The following INTS6 variants were observed in gnomAD, a reference collection of about 807,000 sequenced individuals.
The protein encoded by INTS6 is integrator complex subunit 6.
A neutral mutation model predicts 104.9 loss-of-function variants in INTS6; 16 were observed. That is an observed-to-expected ratio of 0.15 (90% confidence interval 0.10 to 0.23). INTS6 has a LOEUF of 0.23. Ranked by LOEUF, INTS6 falls within the 10% of genes least tolerant of loss-of-function variation. The pLI, the probability that INTS6 is intolerant of heterozygous loss-of-function variation, is 1.00. For synonymous variants in INTS6, 324 were observed against 358.7 expected (o/e 0.90, Z 1.09); for missense variants, 584 against 1,062.8 (o/e 0.55, Z 6.26).
In INTS6 at chr13:51,383,766, C is replaced by T. The variant is rs1285473478; in HGVS notation, c.895-25G>A. The T allele has an allele frequency of 5.8e-6, 9 of 1,549,112 alleles. No homozygotes were observed. In the East Asian group the frequency reaches 1.8e-4, roughly 31 times the overall value. On this transcript the variant is annotated intron_variant, in intron 7 of 17. Transcript: ENST00000311234. ...GCTAAAGGGGAAAGTCTTGTAATTACTACTTACATGAAATTTCAGAAACAA... is the reference window on the plus strand; with the variant it reads ...GCTAAAGGGGAAAGTCTTGTAATTATTACTTACATGAAATTTCAGAAACAA...
chr13:51,413,101 T>C (rs1956718914), intron 4 of INTS6, among the ~76,000 whole-genome samples: 1 of 152,232 alleles, frequency 6.6e-6, no homozygotes, highest in African/African-American at 2.4e-5. Context: ...AGGATAGTCC[T>C]TCCTTGTCAC....
rs141261992 is a variant in INTS6, at chr13:51,354,565, G to A, written n.431-229C>T. On this transcript the variant is annotated intron_variant and non_coding_transcript_variant, in intron 3 of 3. Transcript: ENST00000476666. ...GAGGCCAGAAGTTTGAGTCCAGCCCGGGCAACATAGGGAGACCCCATCTCA... is the reference window on the plus strand; with the variant it reads ...GAGGCCAGAAGTTTGAGTCCAGCCCAGGCAACATAGGGAGACCCCATCTCA... Among the ~76,000 whole-genome samples the A allele has an allele frequency of 2.3e-4, 35 of 151,164 alleles. No homozygotes were observed. The East Asian group carries it at 3.9e-3, about 17-fold the overall frequency.
intron 4 of INTS6, among the ~76,000 whole-genome samples, chr13:51,410,844 A>C (rs186188198): frequency 1.6e-4 from 25 of 152,300 alleles, no homozygotes; most frequent in Admixed American, 1.6e-3. Context: ...CTCATTAGCA[A>C]GAAGACAGAC....
At chr13:51,405,818 C>G (rs189337759) in intron 4 of INTS6, among the ~76,000 whole-genome samples, 2 of 152,246 alleles carry the variant, frequency 1.3e-5, no homozygotes. Flanking sequence ...ACGTTCCAGT[C>G]CTGGATAAGC....
downstream of INTS6, chr13:51,361,433 T>A: frequency 1.1e-6 from 1 of 927,838 alleles, no homozygotes; most frequent in Non-Finnish European, 1.7e-6. Flanking sequence ...CCTAGTTGAA[T>A]CTTCACACTT....
At chr13:51,406,610 G>A (rs993352039) in intron 4 of INTS6, among the ~76,000 whole-genome samples, 5 of 152,008 alleles carry the variant, frequency 3.3e-5, no homozygotes, top group Admixed American at 6.6e-5. Context: ...ATGCTCCAAC[G>A]GAGACCACTT....
chr13:51,353,270 C>T (rs1318978904), downstream of INTS6, among the ~76,000 whole-genome samples: 1 of 152,096 alleles, frequency 6.6e-6, no homozygotes, highest in East Asian at 1.9e-4. Context: ...TTTCAAATAG[C>T]CCTTAATTAA....
In INTS6 at chr13:51,369,305, C is replaced by T; in HGVS notation, c.2110G>A (p.Glu704Lys). Reference protein sequence around the residue: ...IKPLPLHKISETTNDSIIHDV... With the variant: ...IKPLPLHKISKTTNDSIIHDV... ...TGTATTATCGAATCATTAGTGGTTT[C>T]TGAAACTAAAAACAAAGATACGGGG... is the stretch of plus-strand genomic sequence containing the variant. Residue 704 changes from glutamate (E) to lysine (K), a missense_variant, in exon 16 of 18, where the codon GAA (glutamate) becomes AAA (lysine). Glu to Lys is a moderately conservative substitution (Grantham distance 56). Transcript: ENST00000311234. The T allele has an allele frequency of 6.3e-7, 1 of 1,596,520 alleles. No homozygotes were observed. The highest frequency in any genetic ancestry group is 1.1e-5 in the South Asian group (1 of 89,362).
At chr13:51,413,411 A>G (rs890098965) in intron 4 of INTS6, among the ~76,000 whole-genome samples, 2 of 152,150 alleles carry the variant, frequency 1.3e-5, no homozygotes, top group Non-Finnish European at 2.9e-5. Flanking sequence ...TTGTATTGTG[A>G]TAGAGAATAA....
Position 51,451,304 on chromosome 13 carries a change from T to C in INTS6, c.190-130A>G, listed in dbSNP as rs1953036857. On this transcript the variant is annotated intron_variant, in intron 2 of 17. Coordinates refer to ENST00000311234, the MANE Select transcript of INTS6 (RefSeq NM_012141.3). ...TTTGGCTTGGTTAACGTGTTAATAC[T>C]GTACCGCTGCTGAGGAAACTCTCTT... is the stretch of plus-strand genomic sequence containing the variant. The C allele has an allele frequency of 5.2e-6, 3 of 574,200 alleles. No homozygotes were observed. In the Admixed American group the frequency reaches 1.2e-4, roughly 23 times the overall value. The allele number at this position is 574,200 out of a possible 1,614,324, so 35.6% of individuals were successfully genotyped here. A position where few individuals can be genotyped will look rare whatever the true frequency, so the allele number is the denominator to read the frequency against.
At chr13:51,434,567 T>C (rs1311040850) in intron 3 of INTS6, among the ~76,000 whole-genome samples, 1 of 152,064 alleles carries the variant, frequency 6.6e-6, no homozygotes, top group East Asian at 1.9e-4. Flanking sequence ...CTACAAAAAT[T>C]AGAATAATGA....
In INTS6 at chr13:51,396,536, A is replaced by G. The variant is rs540064230; in HGVS notation, c.430-1053T>C. 6.6e-5 allele frequency among the ~76,000 whole-genome samples: 10 copies of G among 152,328 alleles called. No homozygotes were observed. In the East Asian group the frequency reaches 9.6e-4, roughly 15 times the overall value. ...CCACATATTCATCTCAGTATCACTC[A>G]ATGAGGATGACCAGACACTATGTTT... On this transcript the variant is annotated intron_variant, in intron 4 of 17. Coordinates refer to ENST00000311234, the MANE Select transcript of INTS6 (RefSeq NM_012141.3).
chr13:51,410,698 T>C (rs1956668499), intron 4 of INTS6, among the ~76,000 whole-genome samples: 1 of 151,596 alleles, frequency 6.6e-6, no homozygotes, highest in Non-Finnish European at 1.5e-5. Flanking sequence ...AAAGAAAAAA[T>C]AAATATAAAA....
downstream of INTS6, among the ~76,000 whole-genome samples, chr13:51,357,552 T>C (rs990818029): frequency 1.3e-5 from 2 of 152,146 alleles, no homozygotes; most frequent in Admixed American, 1.3e-4. Context: ...ACTCAAATTC[T>C]CTTTCCCCAT....
At chr13:51,367,685 T>C in intron 17 of INTS6, 120 bp downstream of exon 17, 1 of 537,672 alleles carries the variant, frequency 1.9e-6, no homozygotes, top group Non-Finnish European at 3.3e-6. Context: ...TATTTATATG[T>C]TGGTATGCCA....
At chr13:51,422,853 T>C (rs1009882968) in intron 4 of INTS6, 6 of 306,294 alleles carry the variant, frequency 2.0e-5, no homozygotes, top group Non-Finnish European at 3.7e-5. Context: ...AATCTCCTGA[T>C]ACACTGTTTT....
chr13:51,349,845 A>G (rs1955387523), downstream of INTS6, among the ~76,000 whole-genome samples: 1 of 152,352 alleles, frequency 6.6e-6, no homozygotes, highest in Non-Finnish European at 1.5e-5. Flanking sequence ...CCTTAAGACT[A>G]CCAAGACTGC....
rs774383372 is a variant in INTS6, at chr13:51,374,807, G to C, written c.1730-11C>G. On this transcript the variant is annotated splice_polypyrimidine_tract_variant and intron_variant, in intron 13 of 17. Transcript: ENST00000311234. ...CACTGTGCACTTGATCTTTCAAAAAGAATACAACAGCAAAAAAAGTTAACC... is the reference window on the plus strand; with the variant it reads ...CACTGTGCACTTGATCTTTCAAAAACAATACAACAGCAAAAAAAGTTAACC... The C allele has an allele frequency of 6.2e-7, 1 of 1,608,388 alleles. No homozygotes were observed. The highest frequency in any genetic ancestry group is 1.1e-5 in the South Asian group (1 of 89,834).
chr13:51,385,703 A>G lies in INTS6; in HGVS notation c.894+1683T>C, dbSNP rs144577691. On this transcript the variant is annotated intron_variant, in intron 7 of 17. Transcript: ENST00000311234. ...ACTTCAGTAGCAATATTTCTTCAAT[A>G]TTGTAATTTATAAAAATTTCACTTC... Among the ~76,000 whole-genome samples the G allele has an allele frequency of 3.3e-5, 5 of 152,298 alleles. No individual in the cohort carries two copies. In the East Asian group the frequency reaches 9.6e-4, roughly 29 times the overall value.
Sources: gnomAD v4.1 joint callset for allele counts (sites outside exome capture counted in the v4.1 genomes callset) on GRCh38, gnomAD v4.1.1 for gene constraint, MANE v1.5 for transcripts, NCBI Gene and HGNC (gene_info 2026-07-23, HGNC 2026-07-21) for gene names.